The following FGD4 variants were observed in gnomAD, a reference collection of about 807,000 sequenced individuals.
FGD4 encodes the protein FYVE, RhoGEF and PH domain containing 4.
Under a neutral mutation model 102.0 loss-of-function variants are expected in FGD4, and 42 were observed. The observed-to-expected ratio is 0.41, with a 90% confidence interval of 0.32 to 0.53. The LOEUF is 0.53. Ranked by LOEUF, FGD4 falls within the 20% of genes least tolerant of loss-of-function variation. The probability of loss-of-function intolerance (pLI) is 0.21; values close to 1 mark genes in which losing one functional copy is unlikely to be tolerated. For synonymous variants in FGD4, 380 were observed against 375.7 expected (o/e 1.01, Z -0.13); for missense variants, 902 against 1,078.2 (o/e 0.84, Z 2.29).
intron 1 of FGD4, among the ~76,000 whole-genome samples, chr12:32,441,623 G>A (rs2136456270): frequency 6.6e-6 from 1 of 152,112 alleles, no homozygotes; most frequent in African/African-American, 2.4e-5. Context: ...CCTGGAATTA[G>A]GGGAGGGGTA....
At chr12:32,626,099 G>A (rs1055173675) in intron 14 of FGD4, among the ~76,000 whole-genome samples, 1 of 152,152 alleles carries the variant, frequency 6.6e-6, no homozygotes, top group African/African-American at 2.4e-5. Flanking sequence ...ACCAATTTTG[G>A]TTAGAAAAAG....
intron 1 of FGD4, among the ~76,000 whole-genome samples, chr12:32,451,031 T>C (rs549945931): frequency 1.3e-5 from 2 of 152,192 alleles, no homozygotes; most frequent in African/African-American, 2.4e-5. Context: ...TGCACTTGGT[T>C]CTCTTTTTAA....
chr12:32,413,010 A>T (rs558251178), intron 1 of FGD4, among the ~76,000 whole-genome samples: 20 of 147,890 alleles, frequency 1.4e-4, no homozygotes, highest in Admixed American at 9.5e-4. Flanking sequence ...TGGGAAATCA[A>T]GGCTGCAGTG....
rs1201271253 is a variant in FGD4, at chr12:32,640,258, C to T, written c.2455-18C>T. ...CGAATACATCACCTGCTTTTAATGT[C>T]TGATGTCTTTTCTTTAGGACGTCAG... On this transcript the variant is annotated intron_variant, in intron 16 of 16. Coordinates refer to ENST00000534526, the MANE Select transcript of FGD4 (RefSeq NM_001370298.3). The T allele has an allele frequency of 6.2e-7, 1 of 1,614,178 alleles. No homozygotes were observed. Among genetic ancestry groups the T allele is most frequent in the East Asian group, 2.2e-5 (1 of 44,894 alleles).
intron 1 of FGD4, among the ~76,000 whole-genome samples, chr12:32,455,745 A>ATC (rs1261315192): frequency 6.6e-6 from 1 of 152,100 alleles, no homozygotes; most frequent in African/African-American, 2.4e-5. Flanking sequence ...AGATTTCTGT[A>ATC]TCCTGAATCA....
In FGD4 at chr12:32,610,847, C is replaced by T. The variant is rs557373932; in HGVS notation, c.1602+13C>T. 120 of 1,612,834 alleles carry T rather than the reference C, an allele frequency of 7.4e-5. 3 individuals carry two copies. Among genetic ancestry groups the T allele is most frequent in the Admixed American group, 2.2e-4 (13 of 60,002 alleles). On this transcript the variant is annotated intron_variant, in intron 9 of 16. Coordinates refer to ENST00000534526, the MANE Select transcript of FGD4 (RefSeq NM_001370298.3). ...AATAAGGAAAATGGTAAGTGGTTTT[C>T]GGAGGAGACAGGAACCTCTGATTAG... is the stretch of plus-strand genomic sequence containing the variant.
chr12:32,573,902 G>C (rs1463723224), intron 2 of FGD4, among the ~76,000 whole-genome samples: 1 of 152,046 alleles, frequency 6.6e-6, no homozygotes, highest in African/African-American at 2.4e-5. Context: ...ATATAGCTGT[G>C]ATCAAAAGTA....
At chr12:32,481,158 G>T (rs1403751720) in intron 1 of FGD4, among the ~76,000 whole-genome samples, 2 of 30,534 alleles carry the variant, frequency 6.6e-5, no homozygotes, top group Non-Finnish European at 1.6e-4. Flanking sequence ...AAAAAAAAAA[G>T]CCGGGCGCAG....
intron 1 of FGD4, among the ~76,000 whole-genome samples, chr12:32,535,118 A>G (rs1227011459): frequency 3.3e-5 from 5 of 152,252 alleles, no homozygotes; most frequent in Non-Finnish European, 7.3e-5. Flanking sequence ...TCTTTGAAAT[A>G]GAAATGTAAT....
intron 4 of FGD4, among the ~76,000 whole-genome samples, chr12:32,593,948 T>G (rs1169161951): frequency 6.6e-6 from 1 of 152,216 alleles, no homozygotes; most frequent in Non-Finnish European, 1.5e-5. Flanking sequence ...AGAAGGCACA[T>G]GCATTTACAT....
At chr12:32,522,986 C>G (rs1940707859) in intron 1 of FGD4, among the ~76,000 whole-genome samples, 1 of 152,160 alleles carries the variant, frequency 6.6e-6, no homozygotes, top group Non-Finnish European at 1.5e-5. Context: ...ACATAAAGTT[C>G]AATCTTCCCT....
chr12:32,640,749 G>C lies in FGD4; in HGVS notation c.*216G>C, dbSNP rs547814170. On this transcript the variant is annotated 3_prime_UTR_variant, in exon 17 of 17. Transcript: ENST00000534526. ...GTTTTGAAATAATGTGAAAACTGGA[G>C]CATTTTTTGAGCTATTCCTTGAATA... 33 of 683,246 alleles carry C rather than the reference G, an allele frequency of 4.8e-5. 1 individual carries two copies. In the South Asian group the frequency reaches 6.0e-4, roughly 13 times the overall value. The allele number at this position is 683,246 out of a possible 1,614,324, so 42.3% of individuals were successfully genotyped here.
intron 1 of FGD4, among the ~76,000 whole-genome samples, chr12:32,521,372 C>CAAAAAAAA (rs60786078): frequency 7.5e-5 from 7 of 93,920 alleles, no homozygotes; most frequent in Non-Finnish European, 1.0e-4. Flanking sequence ...GACTCCGTCT[C>CAAAAAAAA]AAAAAAAAAA....
At chr12:32,573,396 G>A (rs939856811) in intron 2 of FGD4, among the ~76,000 whole-genome samples, 1 of 152,048 alleles carries the variant, frequency 6.6e-6, no homozygotes, top group African/African-American at 2.4e-5. Flanking sequence ...CCCCTGGCCT[G>A]GTATTGGATT....
chr12:32,528,907 AG>A (rs923020790), intron 1 of FGD4, among the ~76,000 whole-genome samples: 2 of 152,190 alleles, frequency 1.3e-5, no homozygotes, highest in African/African-American at 4.8e-5. Flanking sequence ...TGTGACTATA[AG>A]TGAACATATA....
intron 4 of FGD4, among the ~76,000 whole-genome samples, chr12:32,593,178 A>G (rs1947618367): frequency 6.6e-6 from 1 of 152,188 alleles, no homozygotes; most frequent in Non-Finnish European, 1.5e-5. Flanking sequence ...AATGGTATTT[A>G]TTGTTGTAAG....
At chr12:32,499,509 T>C (rs968398730) in intron 1 of FGD4, among the ~76,000 whole-genome samples, 6 of 152,244 alleles carry the variant, frequency 3.9e-5, no homozygotes, top group Non-Finnish European at 8.8e-5. Flanking sequence ...GCCAATTCTT[T>C]TTAGTTTTTT....
chr12:32,415,414 CTTTTTTTTT>C (rs34612851), intron 1 of FGD4, among the ~76,000 whole-genome samples: 3 of 89,610 alleles, frequency 3.3e-5, no homozygotes, highest in Admixed American at 2.7e-4. Flanking sequence ...ATCTGTCTCT[CTTTTTTTTT>C]TTTTTTTTTT....
At chr12:32,630,471 G>A (rs1950433897) in intron 14 of FGD4, among the ~76,000 whole-genome samples, 1 of 152,062 alleles carries the variant, frequency 6.6e-6, no homozygotes, top group Non-Finnish European at 1.5e-5. Context: ...CTTGAGGCCA[G>A]GAATTTGAGA....
Sources: gnomAD v4.1 joint callset for allele counts (sites outside exome capture counted in the v4.1 genomes callset) on GRCh38, gnomAD v4.1.1 for gene constraint, MANE v1.5 for transcripts, NCBI Gene and HGNC (gene_info 2026-07-23, HGNC 2026-07-21) for gene names.